The following ADCY3 variants were observed in gnomAD, a reference collection of about 807,000 sequenced individuals.
ADCY3 encodes adenylate cyclase type 3.
A neutral mutation model predicts 119.4 loss-of-function variants in ADCY3; 70 were observed. That is an observed-to-expected ratio of 0.59 (90% CI 0.48 to 0.72). ADCY3 has a LOEUF of 0.72. Among genes scored for constraint, ADCY3 ranks in the 30% least tolerant of loss-of-function variants. ADCY3 has a pLI of 0.00. For synonymous variants in ADCY3, 672 were observed against 621.4 expected (o/e 1.08, Z -1.21); for missense variants, 1,238 against 1,541.6 (o/e 0.80, Z 3.30).
intron 3 of ADCY3, among the ~76,000 whole-genome samples, chr2:24,857,979 C>T (rs1050528288): frequency 1.4e-5 from 2 of 146,340 alleles, no homozygotes; most frequent in Admixed American, 6.8e-5. Context: ...TCCTGAAATA[C>T]TTGTGGTCTG....
Position 24,819,858 on chromosome 2 carries a change from A to G in ADCY3, c.*74T>C. On this transcript the variant is annotated 3_prime_UTR_variant, in exon 22 of 22. Coordinates refer to ENST00000679454, the MANE Select transcript of ADCY3 (RefSeq NM_004036.5). ...CCATGAGTGTGCACTTCAATCCAGG[A>G]AGGTCGGGACTTCCTTCAGTTTCAA... 1 of 1,491,384 alleles carries G rather than the reference A, an allele frequency of 6.7e-7. No homozygotes were observed. The allele number at this position is 1,491,384 out of a possible 1,614,324, so 92.4% of individuals were successfully genotyped here. A position where few individuals can be genotyped will look rare whatever the true frequency, so the allele number is the denominator to read the frequency against.
In ADCY3 at chr2:24,842,227, C is replaced by T; in HGVS notation, c.956+27G>A. The T allele has an allele frequency of 6.2e-7, 1 of 1,613,430 alleles. No homozygotes were observed. Among genetic ancestry groups the T allele is most frequent in the African/African-American group, 1.3e-5 (1 of 75,048 alleles). On this transcript the variant is annotated intron_variant, in intron 4 of 21. Coordinates refer to ENST00000679454, the MANE Select transcript of ADCY3 (RefSeq NM_004036.5). This position sits in a 1 kb window ranked among gnomAD's most constrained non-coding sequence, Gnocchi z 4.9. ...AGCCCTCCACAGCCTGCTCTGCCAT[C>T]AGAGCCCGCGCCCCGGGCCGGCGTA...
intron 19 of ADCY3, 156 bp downstream of exon 19, chr2:24,822,355 T>C (rs1667898757): frequency 9.0e-7 from 1 of 1,106,040 alleles, no homozygotes; most frequent in East Asian, 2.5e-5. Flanking sequence ...ACTTTCTCAA[T>C]AAACCCTATT....
chr2:24,885,714 A>T (rs1676948516), intron 2 of ADCY3, among the ~76,000 whole-genome samples: 1 of 152,184 alleles, frequency 6.6e-6, no homozygotes, highest in Admixed American at 6.5e-5. Flanking sequence ...AATCTTCCAA[A>T]ATAATATTTT....
Position 24,886,831 on chromosome 2 carries a change from CCT to C in ADCY3, c.676-14114_676-14113del, listed in dbSNP as rs565047122. Reference sequence around the variant, plus strand: ...AGCTGGCAAGGAGGCTGCCATGTGCCCTGAGTGGGTGAGGTTAGCTGCTGCAC... The same window carrying C: ...AGCTGGCAAGGAGGCTGCCATGTGCCGAGTGGGTGAGGTTAGCTGCTGCAC... On this transcript the variant is annotated intron_variant, in intron 2 of 21. Coordinates refer to ENST00000679454, the MANE Select transcript of ADCY3 (RefSeq NM_004036.5). Among the ~76,000 whole-genome samples the C allele has an allele frequency of 2.1e-3, 326 of 152,310 alleles. 2 individuals are homozygous for C. Among genetic ancestry groups the C allele is most frequent in the African/African-American group, 7.5e-3 (312 of 41,572 alleles).
chr2:24,841,120 C>A lies in ADCY3; in HGVS notation c.1196+139G>T, dbSNP rs544514374. The A allele has an allele frequency of 9.8e-7, 1 of 1,020,286 alleles. No individual in the cohort carries two copies. 63.2% of individuals were successfully genotyped at this position (1,020,286 alleles called of 1,614,324 possible). ...AGCGGGAGCCTGCGCCACCCATCAA[C>A]CAGTGCTGTGTCCCAGTCTCTGCTT... On this transcript the variant is annotated intron_variant, in intron 6 of 21. Coordinates refer to ENST00000679454, the MANE Select transcript of ADCY3 (RefSeq NM_004036.5). The surrounding 1 kb of genome is among the most constrained non-coding windows in gnomAD (Gnocchi z 5.8).
At chr2:24,838,874 A>C (rs770511057) in intron 7 of ADCY3, 15 of 1,599,028 alleles carry the variant, frequency 9.4e-6, no homozygotes, top group East Asian at 2.3e-5. Context: ...TGTTGGAGCC[A>C]CGACACAGGA....
chr2:24,827,825 G>A, intron 14 of ADCY3, 77 bp downstream of exon 14: 1 of 1,589,088 alleles, frequency 6.3e-7, no homozygotes, highest in Non-Finnish European at 8.6e-7. Context: ...CTCAGCACAG[G>A]CCCATGAGCT....
chr2:24,829,693 A>T (rs1669188114), intron 13 of ADCY3, among the ~76,000 whole-genome samples: 1 of 151,924 alleles, frequency 6.6e-6, no homozygotes, highest in South Asian at 2.1e-4. Context: ...AAGTGCTGGG[A>T]TTACAGGCGT....
Position 24,878,170 on chromosome 2 carries a change from C to G in ADCY3, c.676-5451G>C. ...ACATTTTTAGAATAATAAAATGCAT[C>G]TCCCAAATGGATAAACACTTGGACT... On this transcript the variant is annotated intron_variant, in intron 2 of 21. Transcript: ENST00000679454. This position sits in a 1 kb window ranked among gnomAD's most constrained non-coding sequence, Gnocchi z 4.0. 3.8e-6 allele frequency: 1 copy of G among 264,998 alleles called. No homozygotes were observed. Among genetic ancestry groups the G allele is most frequent in the Non-Finnish European group, 7.6e-6 (1 of 131,358 alleles). The allele number at this position is 264,998 out of a possible 1,614,324, so 16.4% of individuals were successfully genotyped here.
intron 16 of ADCY3, 44 bp downstream of exon 16, chr2:24,826,001 G>C: frequency 6.3e-7 from 1 of 1,590,912 alleles, no homozygotes; most frequent in South Asian, 1.1e-5. Context: ...AGGAGGCCCT[G>C]TGGGCTGTGG....
Position 24,834,652 on chromosome 2 carries a change from G to C in ADCY3, c.1806-6C>G, listed in dbSNP as rs1277691176. The C allele has an allele frequency of 1.2e-6, 2 of 1,613,628 alleles. No individual in the cohort carries two copies. The highest frequency in any genetic ancestry group is 1.7e-6 in the Non-Finnish European group (2 of 1,179,616). On this transcript the variant is annotated splice_polypyrimidine_tract_variant and splice_region_variant and intron_variant, in intron 10 of 21. Coordinates refer to ENST00000679454, the MANE Select transcript of ADCY3 (RefSeq NM_004036.5). The surrounding 1 kb of genome is among the most constrained non-coding windows in gnomAD (Gnocchi z 4.2). ...AGGTGTTTCTCTTCTTTACTCTGCAGTGGGAACAAGCCCCATGAATCCCAA... is the reference window on the plus strand; with the variant it reads ...AGGTGTTTCTCTTCTTTACTCTGCACTGGGAACAAGCCCCATGAATCCCAA...
chr2:24,872,945 G>A lies in ADCY3; in HGVS notation c.676-226C>T, dbSNP rs1459065782. ...CACCCAGGGGCATGGCTCAAGGCCT[G>A]AAAGGCTCAAGGGTTCCACGAGGGG... On this transcript the variant is annotated intron_variant, in intron 2 of 21. Transcript: ENST00000679454. This position sits in a 1 kb window ranked among gnomAD's most constrained non-coding sequence, Gnocchi z 4.4. Among the ~76,000 whole-genome samples, 3 of 152,246 alleles carry A rather than the reference G, an allele frequency of 2.0e-5. No individual in the cohort carries two copies. Among genetic ancestry groups the A allele is most frequent in the Non-Finnish European group, 4.4e-5 (3 of 68,034 alleles).
At chr2:24,902,455 A>G (rs1679025426) in intron 2 of ADCY3, among the ~76,000 whole-genome samples, 1 of 152,016 alleles carries the variant, frequency 6.6e-6, no homozygotes, top group South Asian at 2.1e-4. Flanking sequence ...GATACGAAAG[A>G]CTGCCATCAT....
Position 24,834,442 on chromosome 2 carries a change from C to G in ADCY3, c.1967+43G>C. The G allele has an allele frequency of 1.3e-6, 2 of 1,514,648 alleles. No individual in the cohort carries two copies. The highest frequency in any genetic ancestry group is 1.2e-5 in the South Asian group (1 of 86,048). The allele number at this position is 1,514,648 out of a possible 1,614,324, so 93.8% of individuals were successfully genotyped here. ...GCCCCCGCCCCCCGCCCGGCACCAC[C>G]GCAGCCGAGGAAACTCGTGGCCCTC... On this transcript the variant is annotated intron_variant, in intron 11 of 21. Transcript: ENST00000679454. This position sits in a 1 kb window ranked among gnomAD's most constrained non-coding sequence, Gnocchi z 4.2.
Position 24,872,707 on chromosome 2 carries a change from C to T in ADCY3, c.688G>A (p.Val230Ile), listed in dbSNP as rs759758788. ...MQLLREILAN[V>I]FLYLCAIAVG... ...GCGATGGCGCACAGGTAGAGGAAGA[C>T]GTTGGCCAGGATCTGCACCCCAAGG... Residue 230 changes from valine (V) to isoleucine (I), a missense_variant, in exon 3 of 22, where the codon GTC becomes ATC. By Grantham distance (29) the Val-to-Ile change is conservative (BLOSUM62 3). Around this residue, in one of 7 missense-constraint regions of ADCY3, gnomAD observed 283 missense variants for 437.2 expected, o/e 0.65. Coordinates refer to ENST00000679454, the MANE Select transcript of ADCY3 (RefSeq NM_004036.5). The surrounding 1 kb of genome is among the most constrained non-coding windows in gnomAD (Gnocchi z 4.4). 1.2e-5 allele frequency: 20 copies of T among 1,613,662 alleles called. No homozygotes were observed. Among genetic ancestry groups the T allele is most frequent in the African/African-American group, 5.3e-5 (4 of 74,896 alleles).
Position 24,919,009 on chromosome 2 carries a change from G to T in ADCY3, c.-22C>A. ...GCATACTGGCTGGTGTCTGCTACTG[G>T]CCCTAGAGAAGTGGACTGGGAACGG... On this transcript the variant is annotated 5_prime_UTR_variant, in exon 2 of 22. Coordinates refer to ENST00000679454, the MANE Select transcript of ADCY3 (RefSeq NM_004036.5). This position sits in a 1 kb window ranked among gnomAD's most constrained non-coding sequence, Gnocchi z 5.5. The T allele has an allele frequency of 6.5e-7, 1 of 1,529,246 alleles. No homozygotes were observed. Among genetic ancestry groups the T allele is most frequent in the Non-Finnish European group, 8.8e-7 (1 of 1,141,740 alleles). 94.7% of individuals were successfully genotyped at this position (1,529,246 alleles called of 1,614,324 possible).
intron 3 of ADCY3, among the ~76,000 whole-genome samples, chr2:24,850,255 C>T (rs1254690781): frequency 2.0e-5 from 3 of 152,150 alleles, no homozygotes; most frequent in Non-Finnish European, 4.4e-5. Context: ...GTTCTAAACC[C>T]TTTCCTGGAT....
At chr2:24,913,204 C>T (rs1393264580) in intron 2 of ADCY3, among the ~76,000 whole-genome samples, 1 of 152,226 alleles carries the variant, frequency 6.6e-6, no homozygotes, top group East Asian at 1.9e-4. Flanking sequence ...AGCCCCCAGG[C>T]CTGCTGCTTC....
Sources: gnomAD v4.1 joint callset for allele counts (sites outside exome capture counted in the v4.1 genomes callset) on GRCh38, gnomAD v4.1.1 for gene constraint, gnomAD v4.1.1 regional missense constraint, Gnocchi (gnomAD v3.1) non-coding constraint, MANE v1.5 for transcripts, NCBI Gene and HGNC (gene_info 2026-07-23, HGNC 2026-07-21) for gene names.